Variants in AAK1 observed in about 807,000 individuals in gnomAD.
AAK1 encodes AP2-associated protein kinase 1.
In AAK1, 37 loss-of-function variants were observed where a neutral mutation model predicts 116.0. That is an observed-to-expected ratio of 0.32 (90% confidence interval 0.25 to 0.42). AAK1 has a LOEUF of 0.42. AAK1 is among the 10% of genes least tolerant of loss of function. AAK1 has a pLI of 1.00. For synonymous variants in AAK1, 458 were observed against 439.9 expected (o/e 1.04, Z -0.51); for missense variants, 919 against 1,170.6 (o/e 0.79, Z 3.14).
intron 2 of AAK1, among the ~76,000 whole-genome samples, chr2:69,616,111 G>A (rs1358245047): frequency 1.3e-5 from 2 of 152,130 alleles, no homozygotes; most frequent in Admixed American, 6.5e-5. Flanking sequence ...CTTTTCGGGC[G>A]ATGAAAATGT....
chr2:69,542,406 A>G (rs1670759767), intron 5 of AAK1, 117 bp downstream of exon 5: 1 of 1,295,104 alleles, frequency 7.7e-7, no homozygotes, highest in East Asian at 2.4e-5. Context: ...GAATATAAAC[A>G]TAAAAACAGG....
At chr2:69,508,986 G>T (rs1269466270) in intron 14 of AAK1, among the ~76,000 whole-genome samples, 2 of 152,198 alleles carry the variant, frequency 1.3e-5, no homozygotes, top group Non-Finnish European at 2.9e-5. Flanking sequence ...AGTAGGAAAA[G>T]ATTTCTTAAG....
At position 69,473,894 on chromosome 2, in the gene AAK1, T is replaced by C. The variant is rs1478982400; in HGVS notation, c.*1975A>G. 1 of 985,776 alleles carries C rather than the reference T, an allele frequency of 1.0e-6. No individual in the cohort carries two copies. The highest frequency in any genetic ancestry group is 1.2e-6 in the Non-Finnish European group (1 of 829,956). 61.1% of individuals were successfully genotyped at this position (985,776 alleles called of 1,614,324 possible). On this transcript the variant is annotated 3_prime_UTR_variant, in exon 22 of 22. Coordinates refer to ENST00000409085, the MANE Select transcript of AAK1 (RefSeq NM_014911.5). Reference sequence around the variant, plus strand: ...GTCCATAAAGGGGTAAACCAAGTCCTATTTTCACTGCTATCCAACCACAGA... The same window carrying C: ...GTCCATAAAGGGGTAAACCAAGTCCCATTTTCACTGCTATCCAACCACAGA...
At position 69,467,829 on chromosome 2, in the gene AAK1, C is replaced by T; in HGVS notation, c.*8040G>A. On this transcript the variant is annotated 3_prime_UTR_variant, in exon 22 of 22. Coordinates refer to ENST00000409085, the MANE Select transcript of AAK1 (RefSeq NM_014911.5). ...TATTGGGAAACCAGTCACTTAGAGA[C>T]ATTACATTGTAAAGAGAATGTAGAG... is the stretch of plus-strand genomic sequence containing the variant. The T allele has an allele frequency of 2.0e-6, 2 of 985,418 alleles. No individual in the cohort carries two copies. The highest frequency in any genetic ancestry group is 2.4e-6 in the Non-Finnish European group (2 of 829,898). 61.0% of individuals were successfully genotyped at this position (985,418 alleles called of 1,614,324 possible).
At chr2:69,483,616 A>C (rs757080784) in intron 17 of AAK1, among the ~76,000 whole-genome samples, 3 of 149,636 alleles carry the variant, frequency 2.0e-5, no homozygotes, top group African/African-American at 4.9e-5. Flanking sequence ...GTTGGGGGGG[A>C]CTTTATTTAG....
intron 2 of AAK1, among the ~76,000 whole-genome samples, chr2:69,570,710 T>C (rs1242217574): frequency 1.3e-5 from 2 of 152,210 alleles, no homozygotes; most frequent in Non-Finnish European, 2.9e-5. Context: ...GATTAATAGA[T>C]GTTTGGCAAA....
In AAK1 at chr2:69,465,195, G is replaced by C. The variant is rs1004265053; in HGVS notation, c.*10674C>G. On this transcript the variant is annotated 3_prime_UTR_variant, in exon 22 of 22. Coordinates refer to ENST00000409085, the MANE Select transcript of AAK1 (RefSeq NM_014911.5). ...GGAGATGAAAATGCCTCCAAGTCCA[G>C]AAATCAATATAAACAAACAAACAAA... 10 of 313,962 alleles carry C rather than the reference G, an allele frequency of 3.2e-5. 1 individual carries two copies. Among genetic ancestry groups the C allele is most frequent in the Non-Finnish European group, 4.6e-5 (8 of 172,824 alleles). The allele number at this position is 313,962 out of a possible 1,614,324, so 19.4% of individuals were successfully genotyped here.
intron 2 of AAK1, among the ~76,000 whole-genome samples, chr2:69,621,022 C>T (rs932486029): frequency 2.7e-4 from 41 of 152,192 alleles, no homozygotes; most frequent in Non-Finnish European, 1.3e-4. Flanking sequence ...GGTGCGTCCA[C>T]CAGGGTGTAA....
At chr2:69,643,404 C>T in intron 1 of AAK1, 130 bp from the exon 2 acceptor site, 1 of 1,178,608 alleles carries the variant, frequency 8.5e-7, no homozygotes, top group Non-Finnish European at 1.1e-6. Flanking sequence ...CGAGAAAAAC[C>T]GTGGGGCTGA....
In AAK1 at chr2:69,460,374, T is replaced by C. The variant is rs1268192787; in HGVS notation, c.*15495A>G. ...ATCTGATATATGTTTTGATTATTTT[T>C]CTTTATGGAAGCAAATACAGAATTT... On this transcript the variant is annotated 3_prime_UTR_variant, in exon 22 of 22. Transcript: ENST00000409085. 1 of 152,650 alleles carries C rather than the reference T, an allele frequency of 6.6e-6. No individual in the cohort carries two copies. Among genetic ancestry groups the C allele is most frequent in the African/African-American group, 2.4e-5 (1 of 41,454 alleles). 9.5% of individuals were successfully genotyped at this position (152,650 alleles called of 1,614,324 possible). A position where few individuals can be genotyped will look rare whatever the true frequency, so the allele number is the denominator to read the frequency against.
At chr2:69,583,777 C>T (rs1672644229) in intron 2 of AAK1, among the ~76,000 whole-genome samples, 1 of 152,142 alleles carries the variant, frequency 6.6e-6, no homozygotes, top group Non-Finnish European at 1.5e-5. Flanking sequence ...GTGCCATGAG[C>T]ATTGTGGTTT....
At chr2:69,616,603 C>G (rs780423027) in intron 2 of AAK1, among the ~76,000 whole-genome samples, 2 of 152,190 alleles carry the variant, frequency 1.3e-5, no homozygotes, top group Non-Finnish European at 2.9e-5. Flanking sequence ...ATCCCATGCA[C>G]TACAGGATAT....
intron 10 of AAK1, among the ~76,000 whole-genome samples, chr2:69,522,120 C>A (rs946058908): frequency 2.6e-5 from 4 of 152,246 alleles, no homozygotes; most frequent in Non-Finnish European, 5.9e-5. Flanking sequence ...CACTCATTTA[C>A]AGTAGTCCAG....
At chr2:69,632,624 C>T (rs1236761030) in intron 2 of AAK1, among the ~76,000 whole-genome samples, 1 of 152,212 alleles carries the variant, frequency 6.6e-6, no homozygotes, top group Non-Finnish European at 1.5e-5. Context: ...TAGCGCCAGG[C>T]GCGATGGCTC....
intron 3 of AAK1, among the ~76,000 whole-genome samples, chr2:69,550,699 C>T (rs906825886): frequency 2.0e-5 from 3 of 151,656 alleles, no homozygotes; most frequent in Admixed American, 6.6e-5. Context: ...CACTGCAACC[C>T]GCACCTCCCC....
chr2:69,527,420 C>A, intron 8 of AAK1, 101 bp from the exon 9 acceptor site: 1 of 810,320 alleles, frequency 1.2e-6, no homozygotes, highest in East Asian at 2.7e-5. Flanking sequence ...TGTTTTTAAA[C>A]TTTTATTTTT....
intron 2 of AAK1, among the ~76,000 whole-genome samples, chr2:69,572,293 C>A (rs938006444): frequency 1.3e-5 from 2 of 152,062 alleles, no homozygotes; most frequent in Non-Finnish European, 2.9e-5. Context: ...ATTTTAAATT[C>A]TAATATTTTG....
At chr2:69,554,672 C>A (rs1326105030) in intron 3 of AAK1, among the ~76,000 whole-genome samples, 1 of 152,064 alleles carries the variant, frequency 6.6e-6, no homozygotes, top group Non-Finnish European at 1.5e-5. Context: ...CAAGAACTAG[C>A]AATATTAGCA....
In AAK1 at chr2:69,525,124, C is replaced by T. The variant is rs754347417; in HGVS notation, c.976-12G>A. 5.0e-6 allele frequency: 8 copies of T among 1,612,808 alleles called. No homozygotes were observed. The East Asian group carries it at 1.8e-4, about 36-fold the overall frequency. On this transcript the variant is annotated splice_polypyrimidine_tract_variant and intron_variant, in intron 9 of 21. Coordinates refer to ENST00000409085, the MANE Select transcript of AAK1 (RefSeq NM_014911.5). ...GGAATGGGAGAGTTCTATAGAATTG[C>T]AAACAAAACAGAACAAAACAAAAGG...
Sources: allele counts gnomAD v4.1 joint callset (sites outside exome capture counted in the v4.1 genomes callset), GRCh38; gene constraint gnomAD v4.1.1; transcripts MANE v1.5; gene names NCBI Gene and HGNC (gene_info 2026-07-23, HGNC 2026-07-21).